The following KLHDC4 variants were observed in gnomAD, a reference collection of about 807,000 sequenced individuals.
The protein encoded by KLHDC4 is kelch domain-containing protein 4.
A neutral mutation model predicts 62.4 loss-of-function variants in KLHDC4; 90 were observed. The ratio of observed to expected loss-of-function variants is 1.44; its 90% CI spans 1.22 to 1.72. KLHDC4 has a LOEUF of 1.72. Ranked by LOEUF, KLHDC4 falls within the 40% of genes most tolerant of loss-of-function variation. The pLI is 0.00. For missense variants in KLHDC4, 1,025 were observed against 699.7 expected, an observed-to-expected ratio of 1.47 and a Z score of -5.25; for synonymous variants, 386 against 284.4, an observed-to-expected ratio of 1.36 and a Z score of -3.59.
chr16:87,765,870 C>T lies in KLHDC4; in HGVS notation c.21G>A (p.Lys7=), dbSNP rs2046593451. The stretch of plus-strand genomic sequence containing the variant: ...TCTCCGCGCCGCGGCCCTTCTTCTC[C>T]TTCTTGCCCTTCTTGCCCATCTTGC... MGKKGK[K]EKKGRGAEKT... The change falls in exon 1 of 12, where the codon AAG becomes AAA. Residue 7 remains lysine, a synonymous_variant. Transcript: ENST00000270583. 1 of 1,550,776 alleles carries T rather than the reference C, an allele frequency of 6.4e-7. No homozygotes were observed. The highest frequency in any genetic ancestry group is 8.7e-7 in the Non-Finnish European group (1 of 1,146,422).
chr16:87,717,207 G>C (rs1324303804), intron 7 of KLHDC4, among the ~76,000 whole-genome samples: 1 of 152,214 alleles, frequency 6.6e-6, no homozygotes, highest in Admixed American at 6.5e-5. Context: ...CTCCAGCCTG[G>C]ACGACAGAGT....
intron 5 of KLHDC4, chr16:87,747,542 C>T (rs1348674515): frequency 6.6e-6 from 1 of 152,202 alleles, no homozygotes; most frequent in Non-Finnish European, 1.5e-5. Flanking sequence ...ACGGAAAAGC[C>T]TGGGAACACA....
Position 87,709,550 on chromosome 16 carries a change from C to A in KLHDC4, c.1162G>T (p.Val388Leu). 1 of 1,612,916 alleles carries A rather than the reference C, an allele frequency of 6.2e-7. No individual in the cohort carries two copies. Residue 388 changes from valine (V) to leucine (L), a missense_variant, in exon 10 of 12, where the codon GTG becomes TTG. Transcript: ENST00000270583. The stretch of plus-strand genomic sequence containing the variant: ...ACCACGGTGCCATCCTCGGCCACCA[C>A]CTCCTTGACCAGCTGCACAGGCCCC... ...TQGPVQLVKE[V>L]VAEDGTVVTI...
intron 8 of KLHDC4, among the ~76,000 whole-genome samples, chr16:87,713,259 G>A (rs1315453871): frequency 6.6e-6 from 1 of 151,946 alleles, no homozygotes. Context: ...GAGTGCGGTG[G>A]TGCAATCTCG....
At chr16:87,719,080 C>T (rs1011876789) in intron 7 of KLHDC4, among the ~76,000 whole-genome samples, 2 of 151,598 alleles carry the variant, frequency 1.3e-5, no homozygotes, top group South Asian at 2.1e-4. Context: ...CCAGCCGCCC[C>T]GTCTGGGAGG....
At chr16:87,722,676 G>A (rs1368299504) in intron 7 of KLHDC4, among the ~76,000 whole-genome samples, 1 of 152,240 alleles carries the variant, frequency 6.6e-6, no homozygotes, top group African/African-American at 2.4e-5. Flanking sequence ...GGACACGCAG[G>A]GGGATGGAAA....
chr16:87,729,865 G>C (rs1289113289), intron 6 of KLHDC4, among the ~76,000 whole-genome samples: 3 of 152,216 alleles, frequency 2.0e-5, no homozygotes, highest in Non-Finnish European at 4.4e-5. Flanking sequence ...CTCACTCCAG[G>C]CCTCTGACTC....
chr16:87,708,666 C>T lies in KLHDC4; in HGVS notation c.1448-200G>A, dbSNP rs553310423. Reference sequence around the variant, plus strand: ...TCCCCTGGGCTTCAGGACAGAGATCCGAGACGGCAAACATGCAAAAGCACC... The same window carrying T: ...TCCCCTGGGCTTCAGGACAGAGATCTGAGACGGCAAACATGCAAAAGCACC... On this transcript the variant is annotated intron_variant, in intron 10 of 11. Coordinates refer to ENST00000270583, the MANE Select transcript of KLHDC4 (RefSeq NM_017566.4). 3.8e-5 allele frequency: 16 copies of T among 420,228 alleles called. No individual in the cohort carries two copies. The East Asian group carries it at 4.8e-4, about 13-fold the overall frequency. The allele number at this position is 420,228 out of a possible 1,614,324, so 26.0% of individuals were successfully genotyped here. A position where few individuals can be genotyped will look rare whatever the true frequency, so the allele number is the denominator to read the frequency against.
rs1597527880 is a variant in KLHDC4, at chr16:87,726,809, T to C, written c.715A>G (p.Thr239Ala). 1 of 1,601,406 alleles carries C rather than the reference T, an allele frequency of 6.2e-7. No individual in the cohort carries two copies. The highest frequency in any genetic ancestry group is 8.5e-7 in the Non-Finnish European group (1 of 1,175,594). The change falls in exon 7 of 12, where the codon ACT (threonine) becomes GCT (alanine). Residue 239 changes from threonine (T) to alanine (A), a missense_variant. Coordinates refer to ENST00000270583, the MANE Select transcript of KLHDC4 (RefSeq NM_017566.4). ...TPRSGCQMSV[T>A]PQGGIVVYGG... ...TAGACGACGATGCCGCCCTGGGGAG[T>C]GACGGACATCTGGCAGCCTGATCTG... is the stretch of plus-strand genomic sequence containing the variant.
downstream of KLHDC4, among the ~76,000 whole-genome samples, chr16:87,704,764 A>C (rs1314095947): frequency 6.6e-6 from 1 of 152,036 alleles, no homozygotes; most frequent in African/African-American, 2.4e-5. Flanking sequence ...TCATCTAAAC[A>C]CAAACACAAA....
rs532397777 is a variant in KLHDC4, at chr16:87,742,019, G to C, written c.506+6654C>G. Among the ~76,000 whole-genome samples, 24 of 152,242 alleles carry C rather than the reference G, an allele frequency of 1.6e-4. No homozygotes were observed. The South Asian group carries it at 4.8e-3, about 30-fold the overall frequency. ...CGTGCTCTGCACGAGGCCTGACACA[G>C]CAATCTTCCCCAGAAAGGGCAAAAA... On this transcript the variant is annotated intron_variant, in intron 5 of 11. Coordinates refer to ENST00000270583, the MANE Select transcript of KLHDC4 (RefSeq NM_017566.4).
chr16:87,715,892 C>G (rs2036867703), intron 7 of KLHDC4, among the ~76,000 whole-genome samples: 2 of 152,212 alleles, frequency 1.3e-5, no homozygotes, highest in South Asian at 4.1e-4. Context: ...TGCTCTGTGC[C>G]TCATGGATAC....
In KLHDC4 at chr16:87,739,111, C is replaced by T. The variant is rs866188657; in HGVS notation, c.507-8467G>A. ...CACCTCATCCATCCACACACCAGCA[C>T]CTCATCCATCCACACACCAGCACCT... On this transcript the variant is annotated intron_variant, in intron 5 of 11. Coordinates refer to ENST00000270583, the MANE Select transcript of KLHDC4 (RefSeq NM_017566.4). 6.7e-3 allele frequency among the ~76,000 whole-genome samples: 298 copies of T among 44,660 alleles called. 1 individual carries two copies. The highest frequency in any genetic ancestry group is 0.016 in the Middle Eastern group (1 of 64). 29.3% of individuals were successfully genotyped at this position (44,660 alleles called of 152,430 possible). A position where few individuals can be genotyped will look rare whatever the true frequency, so the allele number is the denominator to read the frequency against.
intron 6 of KLHDC4, among the ~76,000 whole-genome samples, chr16:87,730,319 G>A (rs955023472): frequency 6.6e-6 from 1 of 152,198 alleles, no homozygotes; most frequent in African/African-American, 2.4e-5. Context: ...TAAAATGTGG[G>A]GTCCCTTGTT....
chr16:87,720,893 G>A (rs1198107344), intron 7 of KLHDC4, among the ~76,000 whole-genome samples: 1 of 152,208 alleles, frequency 6.6e-6, no homozygotes, highest in East Asian at 1.9e-4. Flanking sequence ...TCCCCACCGT[G>A]CCTGCCTCTC....
At chr16:87,763,065 A>C (rs764809971) in intron 1 of KLHDC4, among the ~76,000 whole-genome samples, 4 of 152,190 alleles carry the variant, frequency 2.6e-5, no homozygotes, top group African/African-American at 4.8e-5. Flanking sequence ...AGCAGGGTAC[A>C]CTGCTTAGTA....
intron 7 of KLHDC4, among the ~76,000 whole-genome samples, chr16:87,724,436 C>G (rs1266985720): frequency 6.6e-6 from 1 of 152,194 alleles, no homozygotes; most frequent in Non-Finnish European, 1.5e-5. Context: ...AGCCAAGCCA[C>G]TACTGGGAGG....
Position 87,714,556 on chromosome 16 carries a change from C to A in KLHDC4, c.777G>T (p.Val259=), listed in dbSNP as rs781687635. Residue 259 remains valine (V), a synonymous_variant, in exon 8 of 12, where the codon GTG becomes GTT. Transcript: ENST00000270583. ...GYSKQRVKKD[V]DKGTRHSDMF... is the part of the protein sequence containing the mutation. ...TGTCTGAGTGCCGTGTGCCCTTGTC[C>A]ACGTCTTTCTTAACTCTCTGCAATG... 5 of 1,614,012 alleles carry A rather than the reference C, an allele frequency of 3.1e-6. No individual in the cohort carries two copies. In the South Asian group the frequency reaches 4.4e-5, roughly 14 times the overall value.
chr16:87,731,167 G>A (rs927933805), intron 5 of KLHDC4, among the ~76,000 whole-genome samples: 5 of 141,370 alleles, frequency 3.5e-5, no homozygotes, highest in Admixed American at 7.7e-5. Context: ...AAGTTCAAGC[G>A]GTTCTCCTGC....
Sources: gnomAD v4.1 joint callset for allele counts (sites outside exome capture counted in the v4.1 genomes callset) on GRCh38, gnomAD v4.1.1 for gene constraint, MANE v1.5 for transcripts, NCBI Gene and HGNC (gene_info 2026-07-23, HGNC 2026-07-21) for gene names.